Variants in CADM2 observed in about 807,000 individuals in gnomAD.
The protein encoded by CADM2 is cell adhesion molecule 2.
CADM2 carries 12 observed loss-of-function variants against 49.8 expected under a neutral mutation model. The ratio of observed to expected loss-of-function variants is 0.24; its 90% confidence interval spans 0.15 to 0.39. CADM2 has a LOEUF of 0.39. Ranked by LOEUF, CADM2 falls within the 10% of genes least tolerant of loss-of-function variation. The pLI is 1.00. For missense variants in CADM2, 378 were observed against 492.3 expected, an observed-to-expected ratio of 0.77 and a Z score of 2.20; for synonymous variants, 214 against 175.4, an observed-to-expected ratio of 1.22 and a Z score of -1.74.
chr3:85,887,026 T>C (rs982040366), intron 5 of CADM2, among the ~76,000 whole-genome samples: 1 of 152,182 alleles, frequency 6.6e-6, no homozygotes, highest in Non-Finnish European at 1.5e-5. Flanking sequence ...TTCAACATTA[T>C]CTTCTATGAA....
chr3:85,625,307 T>C (rs1261956034), intron 1 of CADM2, among the ~76,000 whole-genome samples: 1 of 152,136 alleles, frequency 6.6e-6, no homozygotes, highest in Non-Finnish European at 1.5e-5. Flanking sequence ...TTTATTTGTG[T>C]TTTGCCATTT....
intron 1 of CADM2, among the ~76,000 whole-genome samples, chr3:85,322,276 G>A (rs2044634860): frequency 6.6e-6 from 1 of 152,156 alleles, no homozygotes; most frequent in Non-Finnish European, 1.5e-5. Flanking sequence ...GTTTACGGTA[G>A]CATGTCCTAT....
At chr3:85,450,383 A>T (rs2037699557) in intron 1 of CADM2, among the ~76,000 whole-genome samples, 1 of 152,112 alleles carries the variant, frequency 6.6e-6, no homozygotes, top group African/African-American at 2.4e-5. Context: ...ATATACACAT[A>T]AATACGCATA....
At chr3:85,653,514 C>T (rs1306532994) in intron 1 of CADM2, among the ~76,000 whole-genome samples, 2 of 151,560 alleles carry the variant, frequency 1.3e-5, no homozygotes, top group African/African-American at 2.4e-5. Flanking sequence ...ATGGTGATTG[C>T]TTTTTTCTGA....
At chr3:85,074,248 G>A (rs1386301945) in intron 1 of CADM2, among the ~76,000 whole-genome samples, 1 of 151,830 alleles carries the variant, frequency 6.6e-6, no homozygotes, top group Non-Finnish European at 1.5e-5. Flanking sequence ...CTTTGCCTAC[G>A]ATGCTATTCG....
At chr3:85,658,439 C>T (rs1343704378) in intron 1 of CADM2, among the ~76,000 whole-genome samples, 1 of 151,388 alleles carries the variant, frequency 6.6e-6, no homozygotes, top group Non-Finnish European at 1.5e-5. Flanking sequence ...TTTAAGCCAC[C>T]CAGTCTGTAC....
chr3:85,692,162 C>T (rs904093604), intron 1 of CADM2, among the ~76,000 whole-genome samples: 9 of 152,054 alleles, frequency 5.9e-5, no homozygotes, highest in African/African-American at 1.9e-4. Context: ...GAGATACTGC[C>T]TCTCTCCTGA....
intron 1 of CADM2, among the ~76,000 whole-genome samples, chr3:85,156,394 G>A (rs1170863684): frequency 4.0e-5 from 6 of 151,688 alleles, no homozygotes; most frequent in East Asian, 3.9e-4. Context: ...TAAATTCCTC[G>A]ACACATACAC....
chr3:85,578,191 A>C (rs999890716), intron 1 of CADM2, among the ~76,000 whole-genome samples: 3 of 151,858 alleles, frequency 2.0e-5, no homozygotes, highest in African/African-American at 7.3e-5. Context: ...TTTCCTTTTA[A>C]TAGGTGTCAT....
chr3:85,775,780 C>T (rs756008977), intron 2 of CADM2, among the ~76,000 whole-genome samples: 20 of 151,820 alleles, frequency 1.3e-4, no homozygotes, highest in Non-Finnish European at 3.0e-5. Flanking sequence ...ATTATACTCT[C>T]ATTTATGAGA....
At chr3:86,022,037 C>A (rs904312255) in intron 8 of CADM2, among the ~76,000 whole-genome samples, 8 of 152,104 alleles carry the variant, frequency 5.3e-5, no homozygotes, top group Non-Finnish European at 1.2e-4. Flanking sequence ...CATTTGCTCA[C>A]AGTACTATCT....
intron 1 of CADM2, among the ~76,000 whole-genome samples, chr3:85,706,227 T>C (rs1459040945): frequency 6.6e-6 from 1 of 152,212 alleles, no homozygotes; most frequent in Non-Finnish European, 1.5e-5. Flanking sequence ...TTGTGTTCTA[T>C]AATAACCCCA....
chr3:85,823,542 G>A (rs971147138), intron 3 of CADM2, among the ~76,000 whole-genome samples: 6 of 152,102 alleles, frequency 3.9e-5, no homozygotes, highest in Admixed American at 2.6e-4. Flanking sequence ...ATAAACTGTT[G>A]TGGACTGGCA....
intron 1 of CADM2, among the ~76,000 whole-genome samples, chr3:85,122,802 G>A (rs1198247018): frequency 2.6e-5 from 4 of 152,034 alleles, no homozygotes; most frequent in African/African-American, 9.7e-5. Flanking sequence ...TTAAAGTCAT[G>A]TAAAAACATT....
chr3:86,059,176 G>C (rs1039323609), intron 8 of CADM2, among the ~76,000 whole-genome samples: 13 of 151,578 alleles, frequency 8.6e-5, no homozygotes, highest in Admixed American at 6.6e-4. Flanking sequence ...ATCTTAAAAG[G>C]CCAGAAATTC....
At chr3:86,023,955 A>G (rs1733537666) in intron 8 of CADM2, among the ~76,000 whole-genome samples, 1 of 152,210 alleles carries the variant, frequency 6.6e-6, no homozygotes, top group Non-Finnish European at 1.5e-5. Context: ...AAGTAAATTT[A>G]TTAAGCACTT....
intron 1 of CADM2, among the ~76,000 whole-genome samples, chr3:84,973,460 A>G (rs2031605934): frequency 6.6e-6 from 1 of 152,120 alleles, no homozygotes; most frequent in East Asian, 1.9e-4. Context: ...TTGTTAATAC[A>G]ACTTGAAAGA....
At chr3:85,689,820 A>G (rs1265370280) in intron 1 of CADM2, among the ~76,000 whole-genome samples, 1 of 152,242 alleles carries the variant, frequency 6.6e-6, no homozygotes, top group Non-Finnish European at 1.5e-5. Context: ...GAATATGAAG[A>G]TAAATAAAAT....
chr3:85,026,958 A>T (rs571985101), intron 1 of CADM2, among the ~76,000 whole-genome samples: 1 of 152,060 alleles, frequency 6.6e-6, no homozygotes, highest in Non-Finnish European at 1.5e-5. Context: ...TATAGTAATT[A>T]TAGACTAACG....
Sources: gnomAD v4.1 joint callset for allele counts (sites outside exome capture counted in the v4.1 genomes callset) on GRCh38, gnomAD v4.1.1 for gene constraint, MANE v1.5 for transcripts, NCBI Gene and HGNC (gene_info 2026-07-23, HGNC 2026-07-21) for gene names.